SLC8A1: variants seen among roughly 807,000 people sequenced by gnomAD.
The protein encoded by SLC8A1 is sodium/calcium exchanger 1.
In SLC8A1, 18 loss-of-function variants were observed where a neutral mutation model predicts 68.3. The ratio of observed to expected loss-of-function variants is 0.26; its 90% confidence interval spans 0.18 to 0.39. SLC8A1 has a LOEUF of 0.39. Among genes scored for constraint, SLC8A1 ranks in the 10% least tolerant of loss-of-function variants. The pLI, the probability that SLC8A1 is intolerant of heterozygous loss-of-function variation, is 1.00. For synonymous variants in SLC8A1, 475 were observed against 415.5 expected, an observed-to-expected ratio of 1.14 and a Z score of -1.74; for missense variants, 985 against 1,156.7, an observed-to-expected ratio of 0.85 and a Z score of 2.15.
intron 3 of SLC8A1, 112 bp from the exon 4 acceptor site, chr2:40,175,393 G>T (rs777022322): frequency 4.0e-6 from 4 of 1,012,486 alleles, no homozygotes; most frequent in Admixed American, 2.2e-5. Context: ...CAGTGGTAGG[G>T]AGCCACTGCT....
chr2:40,205,430 G>A (rs562946403), intron 2 of SLC8A1, among the ~76,000 whole-genome samples: 3 of 152,046 alleles, frequency 2.0e-5, no homozygotes, highest in Admixed American at 1.3e-4. Flanking sequence ...TCTTTTTTAT[G>A]ACTGCATAGT....
At chr2:40,301,158 G>A (rs756587978) in intron 2 of SLC8A1, among the ~76,000 whole-genome samples, 4 of 152,150 alleles carry the variant, frequency 2.6e-5, no homozygotes, top group Non-Finnish European at 5.9e-5. Context: ...TAAAAATAGT[G>A]ATAATAACCT....
chr2:40,152,093 C>T (rs980536296), intron 6 of SLC8A1, among the ~76,000 whole-genome samples: 1 of 152,180 alleles, frequency 6.6e-6, no homozygotes, highest in Admixed American at 6.5e-5. Flanking sequence ...CACACTTTAA[C>T]ATGTATTCTA....
chr2:40,137,394 A>T (rs1254793495), intron 7 of SLC8A1, among the ~76,000 whole-genome samples: 1 of 152,200 alleles, frequency 6.6e-6, no homozygotes, highest in African/African-American at 2.4e-5. Flanking sequence ...AATTGTTATA[A>T]GAGACCTAAT....
At chr2:40,373,253 C>G (rs1678739440) in intron 2 of SLC8A1, among the ~76,000 whole-genome samples, 1 of 152,082 alleles carries the variant, frequency 6.6e-6, no homozygotes, top group Non-Finnish European at 1.5e-5. Flanking sequence ...GTGATTCTAT[C>G]TCTTTACTAA....
intron 2 of SLC8A1, among the ~76,000 whole-genome samples, chr2:40,334,733 T>G (rs1230385365): frequency 6.6e-6 from 1 of 152,198 alleles, no homozygotes; most frequent in Non-Finnish European, 1.5e-5. Context: ...AATGACGTGC[T>G]ATTTTCAGGC....
intron 2 of SLC8A1, among the ~76,000 whole-genome samples, chr2:40,208,648 C>T (rs922468361): frequency 2.0e-5 from 3 of 152,138 alleles, no homozygotes; most frequent in African/African-American, 7.2e-5. Flanking sequence ...CAACTCTGCT[C>T]TATGATCCTA....
At chr2:40,107,992 C>T (rs1378058195) in exon 8 of SLC8A1, 1 of 152,212 alleles carries the variant, frequency 6.6e-6, no homozygotes, top group African/African-American at 2.4e-5. Context: ...TAGAAGCCTT[C>T]TAACTACTGA....
At chr2:40,397,629 C>G (rs943863231) in intron 2 of SLC8A1, among the ~76,000 whole-genome samples, 3 of 152,158 alleles carry the variant, frequency 2.0e-5, no homozygotes, top group Admixed American at 1.3e-4. Context: ...AGCTGCATAT[C>G]AGAACCACAT....
At chr2:40,422,816 G>A (rs1423253700) in intron 2 of SLC8A1, among the ~76,000 whole-genome samples, 1 of 152,014 alleles carries the variant, frequency 6.6e-6, no homozygotes, top group Admixed American at 6.6e-5. Flanking sequence ...TAGTATGGAA[G>A]AACAAGCACA....
At chr2:40,287,890 C>A (rs1305143055) in intron 2 of SLC8A1, among the ~76,000 whole-genome samples, 1 of 152,002 alleles carries the variant, frequency 6.6e-6, no homozygotes, top group African/African-American at 2.4e-5. Context: ...GATCAGGGCT[C>A]CTGCAGGGAT....
chr2:40,332,438 C>CGG lies in SLC8A1; in HGVS notation c.1808+96033_1808+96034dup, dbSNP rs35961348. 6.7e-5 allele frequency among the ~76,000 whole-genome samples: 6 copies of CGG among 89,526 alleles called. No individual in the cohort carries two copies. The South Asian group carries it at 9.9e-4, about 15-fold the overall frequency. The allele number at this position is 89,526 out of a possible 152,430, so 58.7% of individuals were successfully genotyped here. On this transcript the variant is annotated intron_variant, in intron 2 of 7. Transcript: ENST00000406785. ...CATGTGTGTGGGGGGAGGACGGGGG[C>CGG]GGGGGGCGGTGTTTCCCCTTACTTA...
chr2:40,276,938 G>C (rs1262650526), intron 2 of SLC8A1, among the ~76,000 whole-genome samples: 2 of 152,156 alleles, frequency 1.3e-5, no homozygotes, highest in African/African-American at 4.8e-5. Flanking sequence ...AGAAAGGCTT[G>C]AGTCGAATGA....
At chr2:40,435,073 A>G (rs1699127411) in intron 1 of SLC8A1, among the ~76,000 whole-genome samples, 2 of 152,210 alleles carry the variant, frequency 1.3e-5, no homozygotes, top group South Asian at 4.1e-4. Context: ...CATTCCTAAC[A>G]GCCCAATATA....
intron 1 of SLC8A1, among the ~76,000 whole-genome samples, chr2:40,460,492 C>T (rs1198135588): frequency 6.6e-6 from 1 of 151,954 alleles, no homozygotes; most frequent in Non-Finnish European, 1.5e-5. Flanking sequence ...GAACTAAGTT[C>T]TGTGGTGATT....
intron 2 of SLC8A1, among the ~76,000 whole-genome samples, chr2:40,235,899 G>A (rs1226697891): frequency 6.6e-6 from 1 of 151,864 alleles, no homozygotes; most frequent in Admixed American, 6.6e-5. Context: ...TTTCCATGTA[G>A]TTGAGGGGTT....
At chr2:40,118,616 T>TTTG (rs1225276322) in intron 7 of SLC8A1, 3 of 143,300 alleles carry the variant, frequency 2.1e-5, no homozygotes, top group Non-Finnish European at 4.6e-5. Flanking sequence ...AGTTTTTTTT[T>TTTG]TTTTTTTTTT....
At chr2:40,428,506 C>T (rs1239554211) in exon 2 of SLC8A1, 1 of 1,609,800 alleles carries the variant, frequency 6.2e-7, no homozygotes, top group African/African-American at 1.3e-5. Context: ...GAGCTCTCCA[C>T]AAGTGTCCTC....
chr2:40,244,511 G>A (rs2061595453), intron 2 of SLC8A1, among the ~76,000 whole-genome samples: 1 of 146,596 alleles, frequency 6.8e-6, no homozygotes, highest in Non-Finnish European at 1.5e-5. Context: ...GTTGCTGTGA[G>A]AGAATGTTGT....
Sources: gnomAD v4.1 joint callset for allele counts (sites outside exome capture counted in the v4.1 genomes callset) on GRCh38, gnomAD v4.1.1 for gene constraint, MANE v1.5 for transcripts, NCBI Gene and HGNC (gene_info 2026-07-23, HGNC 2026-07-21) for gene names.